Variants in CSGALNACT1 observed in about 807,000 individuals in gnomAD.
The protein encoded by CSGALNACT1 is chondroitin sulfate N-acetylgalactosaminyltransferase 1, also known as beta4GalNAcT-1.
CSGALNACT1 carries 52 observed loss-of-function variants against 51.0 expected under a neutral mutation model. The ratio of observed to expected loss-of-function variants is 1.02; its 90% CI spans 0.82 to 1.29. The LOEUF is 1.29. Ranked by LOEUF, CSGALNACT1 falls within the 50% of genes most tolerant of loss-of-function variation. The pLI is 0.00. For missense variants in CSGALNACT1, 935 were observed against 679.2 expected (o/e 1.38, Z -4.19); for synonymous variants, 341 against 254.4 (o/e 1.34, Z -3.24).
intron 6 of CSGALNACT1, among the ~76,000 whole-genome samples, chr8:19,430,799 G>T (rs1418163572): frequency 6.6e-6 from 1 of 152,114 alleles, no homozygotes; most frequent in Non-Finnish European, 1.5e-5. Flanking sequence ...ACTGTCATTT[G>T]AAGAATATTA....
chr8:19,693,233 G>C (rs778679091), intron 1 of CSGALNACT1, among the ~76,000 whole-genome samples: 1 of 151,994 alleles, frequency 6.6e-6, no homozygotes, highest in Non-Finnish European at 1.5e-5. Context: ...CTCTGCTTGT[G>C]GTGATATCTC....
chr8:19,414,037 G>A (rs1367846497), intron 8 of CSGALNACT1, among the ~76,000 whole-genome samples: 1 of 152,188 alleles, frequency 6.6e-6, no homozygotes, highest in Admixed American at 6.5e-5. Context: ...AGCTCACAAG[G>A]ATTGGACAAA....
chr8:19,667,001 A>G (rs866245747), intron 1 of CSGALNACT1, among the ~76,000 whole-genome samples: 1,119 of 28,622 alleles, frequency 0.039, 138 homozygotes, highest in South Asian at 0.075. Context: ...GAAAGAAAGA[A>G]AGAAAGAAAG....
intron 8 of CSGALNACT1, among the ~76,000 whole-genome samples, chr8:19,416,786 T>C (rs1016866921): frequency 1.3e-5 from 2 of 152,204 alleles, no homozygotes; most frequent in African/African-American, 4.8e-5. Flanking sequence ...TGTATGATGT[T>C]TGCACAATGA....
chr8:19,461,578 C>T (rs1413649703), intron 4 of CSGALNACT1, among the ~76,000 whole-genome samples: 3 of 131,608 alleles, frequency 2.3e-5, no homozygotes, highest in Non-Finnish European at 3.3e-5. Flanking sequence ...CGGCCACATT[C>T]ACCATGGGGG....
exon 1 of CSGALNACT1, chr8:19,602,025 G>T (rs1318614125): frequency 6.0e-6 from 2 of 333,454 alleles, no homozygotes; most frequent in Non-Finnish European, 5.9e-6. Flanking sequence ...TTCTCTCCCT[G>T]TTTCAATGAA....
chr8:19,662,193 G>A (rs887870593), intron 1 of CSGALNACT1, among the ~76,000 whole-genome samples: 1 of 150,992 alleles, frequency 6.6e-6, no homozygotes, highest in East Asian at 2.0e-4. Flanking sequence ...CAAGGCAGGT[G>A]ATCAACATGG....
At chr8:19,741,610 G>T (rs925504541) in intron 1 of CSGALNACT1, among the ~76,000 whole-genome samples, 6 of 150,386 alleles carry the variant, frequency 4.0e-5, no homozygotes, top group African/African-American at 1.5e-4. Flanking sequence ...TCGGGGAGCT[G>T]ATCCTGCTGG....
intron 1 of CSGALNACT1, among the ~76,000 whole-genome samples, chr8:19,608,561 C>A (rs1339325923): frequency 6.6e-6 from 1 of 152,248 alleles, no homozygotes; most frequent in Non-Finnish European, 1.5e-5. Context: ...TCACTACATG[C>A]ATCTCCATTA....
intron 3 of CSGALNACT1, among the ~76,000 whole-genome samples, chr8:19,590,428 T>C (rs1409754435): frequency 2.0e-5 from 3 of 152,172 alleles, no homozygotes; most frequent in African/African-American, 7.2e-5. Context: ...GTGGTTTCTG[T>C]AATGAATGCA....
intron 8 of CSGALNACT1, among the ~76,000 whole-genome samples, chr8:19,418,000 G>A (rs77915903): frequency 0.089 from 13,611 of 152,198 alleles, 802 homozygotes; most frequent in Middle Eastern, 0.16. Flanking sequence ...GGGACCCTTG[G>A]GGGCTGTGTG....
chr8:19,469,323 C>G (rs13267801), intron 4 of CSGALNACT1, among the ~76,000 whole-genome samples: 62,224 of 151,968 alleles, frequency 0.41, 14,130 homozygotes, highest in East Asian at 0.86. Flanking sequence ...CCCAGGAGAT[C>G]GAGGCTACAG....
At chr8:19,670,182 A>G (rs1589410459) in intron 1 of CSGALNACT1, among the ~76,000 whole-genome samples, 1 of 152,204 alleles carries the variant, frequency 6.6e-6, no homozygotes, top group Middle Eastern at 3.4e-3. Flanking sequence ...CTGTTTTTGC[A>G]CTTATAATCC....
chr8:19,504,409 G>A (rs1476328811), intron 4 of CSGALNACT1, among the ~76,000 whole-genome samples: 1 of 152,202 alleles, frequency 6.6e-6, no homozygotes, highest in Non-Finnish European at 1.5e-5. Context: ...AATGGGGAAA[G>A]AACTAGATGT....
upstream of CSGALNACT1, among the ~76,000 whole-genome samples, chr8:19,685,969 T>C (rs1196564048): frequency 3.3e-5 from 5 of 152,212 alleles, no homozygotes; most frequent in African/African-American, 1.2e-4. Context: ...CCCATACTCA[T>C]GTATCGAAAC....
At chr8:19,654,095 A>G (rs1183327338) in intron 1 of CSGALNACT1, among the ~76,000 whole-genome samples, 1 of 152,122 alleles carries the variant, frequency 6.6e-6, no homozygotes, top group South Asian at 2.1e-4. Flanking sequence ...TTCAATCATC[A>G]CTGAAAACAC....
At chr8:19,597,742 A>G (rs990276067) in intron 2 of CSGALNACT1, among the ~76,000 whole-genome samples, 1 of 152,268 alleles carries the variant, frequency 6.6e-6, no homozygotes, top group African/African-American at 2.4e-5. Context: ...AATGTGCAGC[A>G]AATGATGATA....
intron 9 of CSGALNACT1, among the ~76,000 whole-genome samples, chr8:19,407,336 G>C (rs917006440): frequency 5.9e-5 from 9 of 152,248 alleles, no homozygotes; most frequent in African/African-American, 2.2e-4. Flanking sequence ...CTGAGGGGGA[G>C]GTGCCTAGAA....
chr8:19,700,820 G>A (rs1411760004), intron 1 of CSGALNACT1, among the ~76,000 whole-genome samples: 1 of 152,172 alleles, frequency 6.6e-6, no homozygotes, highest in African/African-American at 2.4e-5. Context: ...CCTGCAGTGT[G>A]GCAGTAGCCC....
Sources: allele counts gnomAD v4.1 joint callset (sites outside exome capture counted in the v4.1 genomes callset), GRCh38; gene constraint gnomAD v4.1.1; transcripts MANE v1.5; gene names NCBI Gene and HGNC (gene_info 2026-07-23, HGNC 2026-07-21).